TMIGD3: variants seen among roughly 807,000 people sequenced by gnomAD.
TMIGD3 encodes the protein AD026 protein (AD026).
TMIGD3 carries 21 observed loss-of-function variants against 28.1 expected under a neutral mutation model. The observed-to-expected ratio is 0.75, with a 90% CI of 0.53 to 1.08. The LOEUF (loss-of-function observed/expected upper bound fraction) is 1.08, where lower values mean the gene tolerates loss of function less well. Ranked by LOEUF, TMIGD3 falls within the 50% of genes least tolerant of loss-of-function variation. The probability of loss-of-function intolerance (pLI) is 0.00; values close to 1 mark genes in which losing one functional copy is unlikely to be tolerated. For missense variants in TMIGD3, 416 were observed against 435.6 expected (o/e 0.96, Z 0.40); for synonymous variants, 151 against 162.1 (o/e 0.93, Z 0.52).
intron 1 of TMIGD3, among the ~76,000 whole-genome samples, chr1:111,554,480 C>A (rs892615974): frequency 2.0e-5 from 3 of 152,206 alleles, no homozygotes; most frequent in African/African-American, 7.2e-5. Context: ...CACAGTAATC[C>A]AGAGCATTTG....
chr1:111,485,421 G>C (rs998454373), intron 5 of TMIGD3: 1 of 269,256 alleles, frequency 3.7e-6, no homozygotes, highest in Non-Finnish European at 7.0e-6. Context: ...TCATTCCTTC[G>C]ACAGGAGCCC....
chr1:111,519,528 C>A (rs1168174228), intron 1 of TMIGD3, among the ~76,000 whole-genome samples: 1 of 152,130 alleles, frequency 6.6e-6, no homozygotes, highest in African/African-American at 2.4e-5. Context: ...GACTCCACAG[C>A]CTGTGACACG....
chr1:111,531,913 G>A (rs1332343032), intron 1 of TMIGD3, among the ~76,000 whole-genome samples: 1 of 151,672 alleles, frequency 6.6e-6, no homozygotes, highest in Non-Finnish European at 1.5e-5. Context: ...AACTTTGTTA[G>A]GTGAAAAAGA....
chr1:111,491,623 T>C (rs1312610263), intron 1 of TMIGD3, among the ~76,000 whole-genome samples: 4 of 152,222 alleles, frequency 2.6e-5, no homozygotes, highest in African/African-American at 9.6e-5. Context: ...GCAGCAAGCC[T>C]TCATGATGGT....
chr1:111,561,109 C>T (rs1316662198), intron 1 of TMIGD3, among the ~76,000 whole-genome samples: 1 of 152,122 alleles, frequency 6.6e-6, no homozygotes, highest in Non-Finnish European at 1.5e-5. Context: ...CCTCCCTACA[C>T]AATTTTGTTT....
chr1:111,526,946 TG>T, intron 1 of TMIGD3, among the ~76,000 whole-genome samples: 1 of 152,150 alleles, frequency 6.6e-6, no homozygotes, highest in East Asian at 1.9e-4. Flanking sequence ...TCATACAGTA[TG>T]TAGCTTTTTT....
At chr1:111,488,227 C>CT (rs200086679) in intron 3 of TMIGD3, among the ~76,000 whole-genome samples, 195 of 143,968 alleles carry the variant, frequency 1.4e-3, no homozygotes, top group African/African-American at 2.9e-3. Context: ...GGCACACAGA[C>CT]TTTTTTTTTT....
intron 1 of TMIGD3, among the ~76,000 whole-genome samples, chr1:111,528,252 T>C (rs981404964): frequency 7.2e-5 from 11 of 152,208 alleles, no homozygotes; most frequent in African/African-American, 2.7e-4. Flanking sequence ...TCATCACTGG[T>C]TGAAAATACT....
intron 1 of TMIGD3, among the ~76,000 whole-genome samples, chr1:111,562,355 C>G (rs900253371): frequency 2.6e-5 from 4 of 152,114 alleles, no homozygotes; most frequent in Admixed American, 1.3e-4. Flanking sequence ...TCTTTGACCC[C>G]TAGAACCTGT....
chr1:111,552,492 T>C (rs1478936700), intron 1 of TMIGD3, among the ~76,000 whole-genome samples: 1 of 152,214 alleles, frequency 6.6e-6, no homozygotes, highest in Non-Finnish European at 1.5e-5. Context: ...TGTAGTTGCT[T>C]TTATGTTGGA....
chr1:111,517,000 T>C (rs1655890889), intron 1 of TMIGD3, among the ~76,000 whole-genome samples: 1 of 152,234 alleles, frequency 6.6e-6, no homozygotes, highest in Non-Finnish European at 1.5e-5. Flanking sequence ...TTTCCCTGGT[T>C]CTGCTGGCTT....
At chr1:111,500,730 C>G in intron 1 of TMIGD3, 1 of 636,994 alleles carries the variant, frequency 1.6e-6, no homozygotes, top group Non-Finnish European at 2.7e-6. Flanking sequence ...CAGCTAAACT[C>G]CACTGGATAC....
chr1:111,506,926 T>TATATATAC (rs1553201738), upstream of TMIGD3, among the ~76,000 whole-genome samples: 8 of 134,848 alleles, frequency 5.9e-5, no homozygotes, highest in South Asian at 4.7e-4. Context: ...TATATATATA[T>TATATATAC]ACACACACAC....
chr1:111,533,760 G>T (rs1202220244), intron 1 of TMIGD3, among the ~76,000 whole-genome samples: 1 of 152,122 alleles, frequency 6.6e-6, no homozygotes, highest in African/African-American at 2.4e-5. Flanking sequence ...TCTCCACGTT[G>T]CCCAGGCTGG....
At chr1:111,534,256 G>A (rs1184218686) in intron 1 of TMIGD3, among the ~76,000 whole-genome samples, 2 of 152,140 alleles carry the variant, frequency 1.3e-5, no homozygotes, top group African/African-American at 4.8e-5. Context: ...TGACAGCACA[G>A]CATTCAATTG....
At chr1:111,492,813 CAAAAA>C (rs34093957) in intron 1 of TMIGD3, among the ~76,000 whole-genome samples, 1 of 103,250 alleles carries the variant, frequency 9.7e-6, no homozygotes, top group Non-Finnish European at 2.1e-5. Context: ...GATGCTGTCT[CAAAAA>C]AAAAAAAAAA....
At chr1:111,529,930 T>A (rs1200193903) in intron 1 of TMIGD3, among the ~76,000 whole-genome samples, 1 of 147,168 alleles carries the variant, frequency 6.8e-6, no homozygotes, top group Non-Finnish European at 1.5e-5. Flanking sequence ...GGCTCCTCAC[T>A]TCCCAGTAGG....
intron 2 of TMIGD3, 43 bp downstream of exon 2, chr1:111,490,613 G>A: frequency 6.8e-7 from 1 of 1,479,978 alleles, no homozygotes; most frequent in Non-Finnish European, 9.4e-7. Flanking sequence ...CTCTGGAAAG[G>A]CCACAGCTTA....
At chr1:111,490,380 C>G in intron 2 of TMIGD3, 1 of 430,544 alleles carries the variant, frequency 2.3e-6, no homozygotes, top group East Asian at 4.0e-5. Context: ...CTAATCTACT[C>G]TGTATCATTC....
Sources: allele counts gnomAD v4.1 joint callset (sites outside exome capture counted in the v4.1 genomes callset), GRCh38; gene constraint gnomAD v4.1.1; transcripts MANE v1.5; gene names NCBI Gene and HGNC (gene_info 2026-07-23, HGNC 2026-07-21).